TEK: variants seen among roughly 807,000 people sequenced by gnomAD.
TEK encodes angiopoietin-1 receptor.
TEK carries 43 observed loss-of-function variants against 131.8 expected under a neutral mutation model. That is an observed-to-expected ratio of 0.33 (90% CI 0.26 to 0.42). The LOEUF is 0.42. Among genes scored for constraint, TEK ranks in the 10% least tolerant of loss-of-function variants. The pLI is 1.00. For missense variants in TEK, 1,162 were observed against 1,384.4 expected (o/e 0.84, Z 2.55); for synonymous variants, 580 against 491.6 (o/e 1.18, Z -2.38).
chr9:27,190,701 G>C lies in TEK; in HGVS notation c.1489+11G>C, dbSNP rs1245619696. ...GGCAACATATTCAAGGTAAGCTTTG[G>C]ACAGGATAGATGCCAGCTGGGGATG... On this transcript the variant is annotated intron_variant, in intron 10 of 22. Coordinates refer to ENST00000380036, the MANE Select transcript of TEK (RefSeq NM_000459.5). 8 of 1,613,734 alleles carry C rather than the reference G, an allele frequency of 5.0e-6. No individual in the cohort carries two copies. The highest frequency in any genetic ancestry group is 6.8e-6 in the Non-Finnish European group (8 of 1,179,820).
chr9:27,196,857 A>G (rs991614971), intron 11 of TEK, among the ~76,000 whole-genome samples: 4 of 130,934 alleles, frequency 3.1e-5, no homozygotes, highest in Admixed American at 7.6e-5. Context: ...GCTCCTGTTT[A>G]TTTTATTTTT....
chr9:27,211,726 T>C (rs996655639), intron 16 of TEK, among the ~76,000 whole-genome samples: 4 of 152,076 alleles, frequency 2.6e-5, no homozygotes, highest in Admixed American at 2.6e-4. Context: ...TGCCTTGGCC[T>C]CCCAGAGTGC....
At chr9:27,223,906 G>T (rs578159869) in intron 21 of TEK, among the ~76,000 whole-genome samples, 2 of 152,108 alleles carry the variant, frequency 1.3e-5, no homozygotes, top group Non-Finnish European at 2.9e-5. Flanking sequence ...TCAAATAGAT[G>T]CAACAAAAAT....
chr9:27,194,048 C>A (rs778261062), intron 11 of TEK, among the ~76,000 whole-genome samples: 6 of 152,084 alleles, frequency 3.9e-5, no homozygotes, highest in Non-Finnish European at 5.9e-5. Flanking sequence ...CTCAAGCAGT[C>A]CCCCAGCCTT....
intron 11 of TEK, among the ~76,000 whole-genome samples, chr9:27,194,506 A>G (rs1175231132): frequency 6.6e-6 from 1 of 152,230 alleles, no homozygotes; most frequent in Non-Finnish European, 1.5e-5. Flanking sequence ...CTCTACAACC[A>G]TGACCCAAGG....
rs1171174042 is a variant in TEK at position 27,158,007 on chromosome 9, G to GATGTGACCA, written c.230_238dup (p.Thr79_Arg80insAsnValThr). Reference sequence around the variant, plus strand: ...CCAGGATCCGCTGGAAGTTACTCAAGATGTGACCAGAGAATGGGCTAAAAA... The same window carrying GATGTGACCA: ...CCAGGATCCGCTGGAAGTTACTCAAGATGTGACCAATGTGACCAGAGAATGGGCTAAAAA... On this transcript the variant is annotated inframe_insertion, in exon 2 of 23. Transcript: ENST00000380036. 1.2e-6 allele frequency: 2 copies of GATGTGACCA among 1,614,166 alleles called. No homozygotes were observed. Among genetic ancestry groups the GATGTGACCA allele is most frequent in the Non-Finnish European group, 1.7e-6 (2 of 1,180,018 alleles).
At chr9:27,196,614 T>C (rs775094499) in intron 11 of TEK, among the ~76,000 whole-genome samples, 5 of 152,126 alleles carry the variant, frequency 3.3e-5, no homozygotes, top group Non-Finnish European at 7.3e-5. Context: ...CAGTAACCAT[T>C]GGCTCATGGT....
At chr9:27,164,189 T>G (rs960521661) in intron 2 of TEK, among the ~76,000 whole-genome samples, 1 of 152,232 alleles carries the variant, frequency 6.6e-6, no homozygotes, top group Non-Finnish European at 1.5e-5. Context: ...CTCTGTACCT[T>G]AATTTCCTCA....
chr9:27,140,065 A>T lies in TEK; in HGVS notation c.53-17766A>T, dbSNP rs1271378984. 2.0e-5 allele frequency among the ~76,000 whole-genome samples: 3 copies of T among 152,190 alleles called. No individual in the cohort carries two copies. The South Asian group carries it at 6.2e-4, about 32-fold the overall frequency. ...TTTTCAGATCCATTTCCTGGTGCTC[A>T]GATCAGTGTCCATTTTAATCGGTTG... On this transcript the variant is annotated intron_variant, in intron 1 of 22. Coordinates refer to ENST00000380036, the MANE Select transcript of TEK (RefSeq NM_000459.5).
intron 2 of TEK, among the ~76,000 whole-genome samples, chr9:27,159,372 C>T (rs1248444238): frequency 6.6e-6 from 1 of 152,142 alleles, no homozygotes; most frequent in East Asian, 1.9e-4. Context: ...CAACCTAAGC[C>T]AGTTAAGTAG....
Position 27,134,481 on chromosome 9 carries a change from G to A in TEK, c.53-23350G>A, listed in dbSNP as rs963965320. Among the ~76,000 whole-genome samples the A allele has an allele frequency of 7.2e-5, 11 of 152,108 alleles. 1 individual carries two copies. The highest frequency in any genetic ancestry group is 6.2e-4 in the South Asian group (3 of 4,818). On this transcript the variant is annotated intron_variant, in intron 1 of 22. Transcript: ENST00000380036. ...TTGCTTTTCTTTGAACACATTCTAC[G>A]TTACACAGTCTAAGAACTAAAATCA...
intron 4 of TEK, among the ~76,000 whole-genome samples, chr9:27,170,476 T>G (rs1292675952): frequency 1.3e-5 from 2 of 152,020 alleles, no homozygotes; most frequent in Non-Finnish European, 2.9e-5. Flanking sequence ...AATACAAAAA[T>G]TAGCCAGGCA....
intron 6 of TEK, among the ~76,000 whole-genome samples, chr9:27,178,484 T>C (rs1444287151): frequency 1.3e-5 from 2 of 152,184 alleles, no homozygotes; most frequent in Non-Finnish European, 2.9e-5. Flanking sequence ...TCGTTTTTTC[T>C]ATTTCTGTGA....
At chr9:27,211,215 A>ATATATATGAATATATGTG (rs1564101144) in intron 16 of TEK, among the ~76,000 whole-genome samples, 6 of 129,608 alleles carry the variant, frequency 4.6e-5, no homozygotes, top group Non-Finnish European at 8.3e-5. Context: ...ATATATGTGT[A>ATATATATGAATATATGTG]TATATATGAA....
At chr9:27,117,503 G>C (rs949993670) in intron 1 of TEK, among the ~76,000 whole-genome samples, 4 of 151,900 alleles carry the variant, frequency 2.6e-5, no homozygotes, top group Non-Finnish European at 4.4e-5. Context: ...GTCCCCTTGT[G>C]TGCCTTCAGG....
intron 16 of TEK, among the ~76,000 whole-genome samples, chr9:27,211,131 AT>A (rs1825600158): frequency 1.5e-5 from 2 of 131,458 alleles, no homozygotes; most frequent in Non-Finnish European, 3.4e-5. Flanking sequence ...AAAAAAAAAT[AT>A]ATATATATAT....
At chr9:27,219,269 T>G (rs1321610618) in intron 20 of TEK, among the ~76,000 whole-genome samples, 3 of 152,208 alleles carry the variant, frequency 2.0e-5, no homozygotes, top group Non-Finnish European at 4.4e-5. Context: ...CTTTTTAATG[T>G]GGTACATATA....
chr9:27,114,175 T>G (rs1821455236), intron 1 of TEK, among the ~76,000 whole-genome samples: 1 of 152,230 alleles, frequency 6.6e-6, no homozygotes, highest in Non-Finnish European at 1.5e-5. Flanking sequence ...TAATTTCTGT[T>G]GAATGGAGTT....
chr9:27,216,809 G>A (rs1825835241), intron 18 of TEK, among the ~76,000 whole-genome samples: 1 of 152,062 alleles, frequency 6.6e-6, no homozygotes, highest in African/African-American at 2.4e-5. Context: ...AGTGCTCCTG[G>A]TTTTGTTCCA....
Sources: gnomAD v4.1 joint callset for allele counts (sites outside exome capture counted in the v4.1 genomes callset) on GRCh38, gnomAD v4.1.1 for gene constraint, MANE v1.5 for transcripts, NCBI Gene and HGNC (gene_info 2026-07-23, HGNC 2026-07-21) for gene names.